Variants in PDE11A observed in about 807,000 individuals in gnomAD.
The protein encoded by PDE11A is phosphodiesterase 11A.
In PDE11A, 100 loss-of-function variants were observed where a neutral mutation model predicts 100.5. The ratio of observed to expected loss-of-function variants is 1.00; its 90% confidence interval spans 0.85 to 1.18. The LOEUF is 1.18. Among genes scored for constraint, PDE11A ranks in the 50% most tolerant of loss-of-function variants. The pLI is 0.00. For missense variants in PDE11A, 1,141 were observed against 1,152.6 expected, an observed-to-expected ratio of 0.99 and a Z score of 0.15; for synonymous variants, 381 against 420.8, an observed-to-expected ratio of 0.91 and a Z score of 1.16.
In PDE11A at chr2:177,669,568, C is replaced by A; in HGVS notation, c.2488-1G>T. 1 of 1,364,552 alleles carries A rather than the reference C, an allele frequency of 7.3e-7. No individual in the cohort carries two copies. The highest frequency in any genetic ancestry group is 1.0e-6 in the Non-Finnish European group (1 of 952,984). 84.5% of individuals were successfully genotyped at this position (1,364,552 alleles called of 1,614,324 possible). A position where few individuals can be genotyped will look rare whatever the true frequency, so the allele number is the denominator to read the frequency against. The stretch of plus-strand genomic sequence containing the variant: ...ACTCACTGGTTACAAGTTCTGCCAC[C>A]TGAAACATATAAATATTTTAATCTG... On this transcript the variant is annotated splice_acceptor_variant, in intron 17 of 19. Transcript: ENST00000286063. LOFTEE classifies it high-confidence loss of function.
rs540251188 is a variant in PDE11A, at chr2:177,659,995, T to C, written c.2646+3871A>G. On this transcript the variant is annotated intron_variant, in intron 19 of 19. Transcript: ENST00000286063. ...TCTTGGCTTCCTGATTAAAAGGCTG[T>C]CACCCATAAATCACGACTTCATCCT... Among the ~76,000 whole-genome samples, 84 of 152,308 alleles carry C rather than the reference T, an allele frequency of 5.5e-4. No homozygotes were observed. The South Asian group carries it at 7.1e-3, about 13-fold the overall frequency.
chr2:177,667,266 T>C (rs1444729746), intron 18 of PDE11A, among the ~76,000 whole-genome samples: 1 of 152,214 alleles, frequency 6.6e-6, no homozygotes, highest in Non-Finnish European at 1.5e-5. Context: ...CCAACATCTC[T>C]GGGTCATTTT....
At chr2:177,960,479 A>C (rs17401986) in intron 2 of PDE11A, among the ~76,000 whole-genome samples, 2 of 152,016 alleles carry the variant, frequency 1.3e-5, no homozygotes, top group African/African-American at 2.4e-5. Context: ...TTTCATGTCT[A>C]CTTTTTTATA....
chr2:177,631,543 ATATACACATG>A (rs1449809137), intron 19 of PDE11A, among the ~76,000 whole-genome samples: 21 of 11,430 alleles, frequency 1.8e-3, no homozygotes, highest in East Asian at 5.0e-3. Context: ...ATATATATAT[ATATACACATG>A]TATATATATA....
chr2:177,819,870 C>T (rs987638102), intron 7 of PDE11A, among the ~76,000 whole-genome samples: 1 of 135,036 alleles, frequency 7.4e-6, no homozygotes, highest in African/African-American at 2.8e-5. Context: ...TTCTCTCTTT[C>T]TCTCTCTCTC....
At chr2:177,899,410 A>C in intron 3 of PDE11A, 1 of 187,254 alleles carries the variant, frequency 5.3e-6, no homozygotes, top group Non-Finnish European at 1.2e-5. Context: ...CTTTCTAAAA[A>C]ACAAACAAAC....
chr2:177,816,563 T>C (rs2083042611), intron 9 of PDE11A, among the ~76,000 whole-genome samples: 1 of 152,216 alleles, frequency 6.6e-6, no homozygotes, highest in African/African-American at 2.4e-5. Context: ...CTTTGGATTG[T>C]CACTATTTAA....
intron 1 of PDE11A, among the ~76,000 whole-genome samples, chr2:178,051,910 A>G (rs903162773): frequency 1.2e-4 from 19 of 152,202 alleles, no homozygotes; most frequent in Middle Eastern, 3.2e-3. Context: ...ACACAATAAT[A>G]ATGGGAGACT....
At chr2:178,037,843 G>A (rs551014013) in intron 1 of PDE11A, among the ~76,000 whole-genome samples, 1 of 152,186 alleles carries the variant, frequency 6.6e-6, no homozygotes, top group East Asian at 1.9e-4. Context: ...GACACAGTGA[G>A]GGGAACATCA....
At chr2:178,015,815 C>G (rs913004234) in intron 1 of PDE11A, among the ~76,000 whole-genome samples, 15 of 152,084 alleles carry the variant, frequency 9.9e-5, no homozygotes, top group Non-Finnish European at 2.1e-4. Flanking sequence ...AAAAGATTGG[C>G]TCCTGAGTAA....
rs1346448186 is a variant in PDE11A at position 177,651,702 on chromosome 2, T to G, written c.2646+12164A>C. On this transcript the variant is annotated intron_variant, in intron 19 of 19. Coordinates refer to ENST00000286063, the MANE Select transcript of PDE11A (RefSeq NM_016953.4). The stretch of plus-strand genomic sequence containing the variant: ...TATTTCTCTTTTCTTCTTTAGATTT[T>G]TCAGCTGTTCAGATCACCTGTAACA... Among the ~76,000 whole-genome samples, 4 of 152,220 alleles carry G rather than the reference T, an allele frequency of 2.6e-5. 1 individual carries two copies. Among genetic ancestry groups the G allele is most frequent in the South Asian group, 2.1e-4 (1 of 4,838 alleles).
intron 2 of PDE11A, among the ~76,000 whole-genome samples, chr2:177,938,281 C>T (rs1389799875): frequency 6.6e-6 from 1 of 152,140 alleles, no homozygotes; most frequent in Non-Finnish European, 1.5e-5. Context: ...GACTTATCAT[C>T]ACACATGGAA....
At chr2:177,861,070 GTA>G (rs2105669309) in intron 5 of PDE11A, among the ~76,000 whole-genome samples, 1 of 151,824 alleles carries the variant, frequency 6.6e-6, no homozygotes, top group Non-Finnish European at 1.5e-5. Context: ...ATTTAACAAT[GTA>G]CTGGAGGTTC....
chr2:177,901,674 A>G (rs1335853458), intron 3 of PDE11A, among the ~76,000 whole-genome samples: 1 of 152,226 alleles, frequency 6.6e-6, no homozygotes, highest in Non-Finnish European at 1.5e-5. Flanking sequence ...GTAAGGGGTC[A>G]ATGAACAATA....
intron 2 of PDE11A, among the ~76,000 whole-genome samples, chr2:177,983,689 T>C (rs748314925): frequency 1.3e-5 from 2 of 152,206 alleles, no homozygotes; most frequent in Non-Finnish European, 2.9e-5. Flanking sequence ...CTTTTTTGTA[T>C]GTTCTGGGTT....
At chr2:178,008,654 G>C (rs1397426408) in intron 2 of PDE11A, among the ~76,000 whole-genome samples, 1 of 152,088 alleles carries the variant, frequency 6.6e-6, no homozygotes, top group Non-Finnish European at 1.5e-5. Flanking sequence ...CCTATTATCT[G>C]GCTGTGAGTC....
At chr2:177,708,571 C>T (rs748857768) in intron 13 of PDE11A, among the ~76,000 whole-genome samples, 19 of 152,252 alleles carry the variant, frequency 1.2e-4, no homozygotes, top group Non-Finnish European at 2.4e-4. Context: ...AACAAACCCC[C>T]GTTACACATG....
At chr2:177,699,975 AC>A (rs2081173223) in intron 14 of PDE11A, among the ~76,000 whole-genome samples, 1 of 152,160 alleles carries the variant, frequency 6.6e-6, no homozygotes, top group Non-Finnish European at 1.5e-5. Flanking sequence ...AGAGGTGTAT[AC>A]TCATCACCTT....
chr2:177,665,871 A>G (rs925462514), intron 18 of PDE11A, among the ~76,000 whole-genome samples: 17 of 152,142 alleles, frequency 1.1e-4, no homozygotes, highest in African/African-American at 3.9e-4. Context: ...AAAAAAAAAA[A>G]AAAATTATGT....
Sources: gnomAD v4.1 joint callset for allele counts (sites outside exome capture counted in the v4.1 genomes callset) on GRCh38, gnomAD v4.1.1 for gene constraint, MANE v1.5 for transcripts, NCBI Gene and HGNC (gene_info 2026-07-23, HGNC 2026-07-21) for gene names.